The following KATNIP variants were observed in gnomAD, a reference collection of about 807,000 sequenced individuals.
KATNIP encodes katanin-interacting protein.
A neutral mutation model predicts 174.0 loss-of-function variants in KATNIP; 126 were observed. The observed-to-expected ratio is 0.72, with a 90% CI of 0.63 to 0.84. The LOEUF is 0.84. Among genes scored for constraint, KATNIP ranks in the 40% least tolerant of loss-of-function variants. The probability of loss-of-function intolerance (pLI) is 0.00; values close to 1 mark genes in which losing one functional copy is unlikely to be tolerated. For missense variants in KATNIP, 1,958 were observed against 2,109.7 expected (o/e 0.93, Z 1.41); for synonymous variants, 810 against 835.7 (o/e 0.97, Z 0.53).
chr16:27,593,893 G>A (rs1476335337), intron 2 of KATNIP, among the ~76,000 whole-genome samples: 2 of 152,138 alleles, frequency 1.3e-5, no homozygotes, highest in African/African-American at 4.8e-5. Context: ...AGGTGCCTAT[G>A]GTTAGTGGTG....
chr16:27,727,842 C>A (rs1478528820), intron 14 of KATNIP: 2 of 152,224 alleles, frequency 1.3e-5, no homozygotes, highest in Non-Finnish European at 2.9e-5. Flanking sequence ...CACACTATTT[C>A]ACTCATAAAT....
chr16:27,568,344 T>C (rs1272676400), intron 1 of KATNIP, among the ~76,000 whole-genome samples: 1 of 152,282 alleles, frequency 6.6e-6, no homozygotes, highest in Non-Finnish European at 1.5e-5. Context: ...GTTTGTTTCC[T>C]ATTTGTGGAC....
intron 6 of KATNIP, among the ~76,000 whole-genome samples, chr16:27,656,654 T>C (rs927337835): frequency 4.0e-5 from 6 of 149,084 alleles, no homozygotes; most frequent in Non-Finnish European, 7.4e-5. Flanking sequence ...ATGGATGAAA[T>C]TGGAAATCAT....
intron 1 of KATNIP, among the ~76,000 whole-genome samples, chr16:27,569,593 A>T (rs1241930660): frequency 6.6e-6 from 1 of 152,244 alleles, no homozygotes; most frequent in African/African-American, 2.4e-5. Flanking sequence ...TGTGAGAATA[A>T]ATGAGATATA....
chr16:27,594,639 GAC>G (rs566033197), intron 2 of KATNIP, among the ~76,000 whole-genome samples: 180 of 152,114 alleles, frequency 1.2e-3, no homozygotes, highest in African/African-American at 4.2e-3. Context: ...TTTTTGTAGA[GAC>G]AGGGTCTTAC....
chr16:27,668,840 T>TACAAAAAAACTAAAAATTAGCC (rs2077785207), intron 6 of KATNIP, among the ~76,000 whole-genome samples: 2 of 152,124 alleles, frequency 1.3e-5, no homozygotes, highest in Non-Finnish European at 2.9e-5. Flanking sequence ...ATCTCATCTC[T>TACAAAAAAACTAAAAATTAGCC]ACAAAAAAAC....
chr16:27,654,517 C>T lies in KATNIP; in HGVS notation c.540+5782C>T, dbSNP rs539707922. Reference sequence around the variant, plus strand: ...GATTTAATGAGGAGAAGATGGGAGGCAGGGAGACCAACAGAAGAGCGAGGC... The same window carrying T: ...GATTTAATGAGGAGAAGATGGGAGGTAGGGAGACCAACAGAAGAGCGAGGC... On this transcript the variant is annotated intron_variant, in intron 6 of 27. Coordinates refer to ENST00000261588, the MANE Select transcript of KATNIP (RefSeq NM_015202.5). 5.8e-5 allele frequency: 66 copies of T among 1,137,022 alleles called. No individual in the cohort carries two copies. In the African/African-American group the frequency reaches 7.9e-4, roughly 14 times the overall value. 70.4% of individuals were successfully genotyped at this position (1,137,022 alleles called of 1,614,324 possible).
chr16:27,580,790 C>T (rs180718929), intron 2 of KATNIP, among the ~76,000 whole-genome samples: 149 of 151,132 alleles, frequency 9.9e-4, no homozygotes, highest in Non-Finnish European at 1.2e-3. Flanking sequence ...TCATGGCTGC[C>T]TAGTACTCCA....
At chr16:27,604,882 CATTA>C (rs2075651739) in intron 2 of KATNIP, among the ~76,000 whole-genome samples, 1 of 152,146 alleles carries the variant, frequency 6.6e-6, no homozygotes, top group South Asian at 2.1e-4. Context: ...CCATTTATGG[CATTA>C]ATATAAACCT....
intron 3 of KATNIP, among the ~76,000 whole-genome samples, chr16:27,620,425 A>G (rs1354400361): frequency 1.3e-5 from 2 of 152,138 alleles, no homozygotes; most frequent in Middle Eastern, 3.2e-3. Flanking sequence ...AACTGCACCC[A>G]TTTTACAGGC....
chr16:27,773,126 G>C lies in KATNIP; in HGVS notation c.4226G>C (p.Ser1409Thr), dbSNP rs1412492689. ...ATTTTCCAGTTTCAGCTTCTCACCA[G>C]CTGGGGCGACCCCTACTACATCGGC... ...GFIFQFQLLT[S>T]WGDPYYIGLT... Residue 1409 changes from serine (S) to threonine (T), a missense_variant, in exon 23 of 28, where the codon AGC becomes ACC. Coordinates refer to ENST00000261588, the MANE Select transcript of KATNIP (RefSeq NM_015202.5). 1.2e-6 allele frequency: 2 copies of C among 1,611,518 alleles called. No homozygotes were observed. Among genetic ancestry groups the C allele is most frequent in the African/African-American group, 1.3e-5 (1 of 74,828 alleles).
chr16:27,634,105 T>C (rs536273601), intron 5 of KATNIP, among the ~76,000 whole-genome samples: 1 of 152,252 alleles, frequency 6.6e-6, no homozygotes, highest in Non-Finnish European at 1.5e-5. Flanking sequence ...GTGTCTTAGA[T>C]TGTGGCTTAA....
chr16:27,619,183 A>G (rs2076126592), intron 3 of KATNIP, among the ~76,000 whole-genome samples: 1 of 152,126 alleles, frequency 6.6e-6, no homozygotes, highest in East Asian at 1.9e-4. Context: ...CCAGGCAGTG[A>G]GTGGAGCTGG....
chr16:27,751,778 A>G lies in KATNIP; in HGVS notation c.3406A>G (p.Ile1136Val), dbSNP rs749543994. 1.3e-5 allele frequency: 21 copies of G among 1,614,242 alleles called. No individual in the cohort carries two copies. Among genetic ancestry groups the G allele is most frequent in the Admixed American group, 3.3e-5 (2 of 60,024 alleles). ...AACCGATGATGACATTCTCGAGGCC[A>G]TATTCTATTCTGATGAGATGTTTGA... ...FTTDDDILEA[I>V]FYSDEMFDLD... Residue 1136 changes from isoleucine to valine, a missense_variant, in exon 17 of 28, where the codon ATA (isoleucine) becomes GTA (valine). This residue lies in a region of KATNIP where 1,557 missense variants were observed against 1,617.8 expected (regional missense o/e 0.96). Coordinates refer to ENST00000261588, the MANE Select transcript of KATNIP (RefSeq NM_015202.5).
chr16:27,699,906 AT>A (rs2079040264), intron 10 of KATNIP, among the ~76,000 whole-genome samples: 1 of 151,584 alleles, frequency 6.6e-6, no homozygotes, highest in East Asian at 1.9e-4. Flanking sequence ...TTATTTTTTT[AT>A]TTTATTTATT....
chr16:27,760,551 A>G (rs2081912766), intron 18 of KATNIP, among the ~76,000 whole-genome samples: 2 of 152,164 alleles, frequency 1.3e-5, no homozygotes, highest in Admixed American at 6.5e-5. Flanking sequence ...GCCCACGTGA[A>G]TGTTTGTGAT....
Position 27,631,352 on chromosome 16 carries a change from C to T in KATNIP, c.408+190C>T, listed in dbSNP as rs2076483183. The stretch of plus-strand genomic sequence containing the variant: ...CCCAGAAGTTCGAGACCAGCTTGGG[C>T]AACAAAGTGAGACTTCATCTCTACT... On this transcript the variant is annotated intron_variant, in intron 5 of 27. Transcript: ENST00000261588. 5.5e-6 allele frequency: 3 copies of T among 547,908 alleles called. No homozygotes were observed. In the East Asian group the frequency reaches 8.8e-5, roughly 16 times the overall value. The allele number at this position is 547,908 out of a possible 1,614,324, so 33.9% of individuals were successfully genotyped here. A position where few individuals can be genotyped will look rare whatever the true frequency, so the allele number is the denominator to read the frequency against.
At chr16:27,556,150 A>G (rs1341266196) in intron 1 of KATNIP, among the ~76,000 whole-genome samples, 3 of 151,964 alleles carry the variant, frequency 2.0e-5, no homozygotes, top group African/African-American at 4.8e-5. Context: ...AAGTTCCTAT[A>G]TAGTAGCTGT....
chr16:27,701,710 G>T lies in KATNIP; in HGVS notation c.1286+15G>T. 2 of 1,566,710 alleles carry T rather than the reference G, an allele frequency of 1.3e-6. No individual in the cohort carries two copies. Among genetic ancestry groups the T allele is most frequent in the Non-Finnish European group, 1.7e-6 (2 of 1,149,654 alleles). ...CTGGGAAGCAGGTACTACTAAGGCT[G>T]AGGCCAAACCCGAAACCCCTTAGCA... is the stretch of plus-strand genomic sequence containing the variant. On this transcript the variant is annotated intron_variant, in intron 11 of 27. Coordinates refer to ENST00000261588, the MANE Select transcript of KATNIP (RefSeq NM_015202.5).
Sources: allele counts gnomAD v4.1 joint callset (sites outside exome capture counted in the v4.1 genomes callset), GRCh38; gene constraint gnomAD v4.1.1; regional missense constraint gnomAD v4.1.1; transcripts MANE v1.5; gene names NCBI Gene and HGNC (gene_info 2026-07-23, HGNC 2026-07-21).